DAB1: variants seen among roughly 807,000 people sequenced by gnomAD.
DAB1 encodes disabled homolog 1.
DAB1 carries 15 observed loss-of-function variants against 64.6 expected under a neutral mutation model. That is an observed-to-expected ratio of 0.23 (90% confidence interval 0.16 to 0.36). The LOEUF (loss-of-function observed/expected upper bound fraction) is 0.36, where lower values mean the gene tolerates loss of function less well. Ranked by LOEUF, DAB1 falls within the 10% of genes least tolerant of loss-of-function variation. The pLI is 1.00. For missense variants in DAB1, 596 were observed against 706.7 expected (o/e 0.84, Z 1.78); for synonymous variants, 235 against 251.9 (o/e 0.93, Z 0.64).
chr1:57,471,210 C>T (rs1687122810), intron 7 of DAB1, among the ~76,000 whole-genome samples: 1 of 152,102 alleles, frequency 6.6e-6, no homozygotes, highest in South Asian at 2.1e-4. Flanking sequence ...CCTAATATTA[C>T]CTGGTAATAC....
At chr1:58,335,592 G>A (rs1169166723) in intron 4 of DAB1, among the ~76,000 whole-genome samples, 1 of 130,568 alleles carries the variant, frequency 7.7e-6, no homozygotes, top group African/African-American at 2.8e-5. Flanking sequence ...TTAGCCTGGA[G>A]GCCAGGGTGG....
chr1:57,336,941 C>T (rs1451319024), intron 1 of DAB1, among the ~76,000 whole-genome samples: 1 of 152,182 alleles, frequency 6.6e-6, no homozygotes, highest in Non-Finnish European at 1.5e-5. Flanking sequence ...CCTCCTTCTA[C>T]ACAGTATTGC....
At chr1:57,274,437 T>C (rs1671294290) in intron 2 of DAB1, among the ~76,000 whole-genome samples, 1 of 152,154 alleles carries the variant, frequency 6.6e-6, no homozygotes, top group African/African-American at 2.4e-5. Flanking sequence ...CTTATATAAG[T>C]TAAGACAAAA....
intron 7 of DAB1, among the ~76,000 whole-genome samples, chr1:57,599,035 AT>A (rs1416569257): frequency 4.0e-5 from 6 of 151,092 alleles, no homozygotes; most frequent in Admixed American, 3.3e-4. Context: ...GCATGTTTTT[AT>A]TTTTTTTCTG....
At chr1:57,079,190 T>A (rs1652255500) in intron 4 of DAB1, among the ~76,000 whole-genome samples, 1 of 152,182 alleles carries the variant, frequency 6.6e-6, no homozygotes, top group Non-Finnish European at 1.5e-5. Context: ...GTAATTTTCT[T>A]CTTATTTATG....
intron 4 of DAB1, among the ~76,000 whole-genome samples, chr1:58,314,205 C>A (rs1662499231): frequency 6.6e-6 from 1 of 152,038 alleles, no homozygotes; most frequent in Non-Finnish European, 1.5e-5. Flanking sequence ...TCCCAGAAAC[C>A]TTTGTCTCAT....
At chr1:58,486,780 A>G (rs1645582369) in intron 3 of DAB1, among the ~76,000 whole-genome samples, 1 of 152,190 alleles carries the variant, frequency 6.6e-6, no homozygotes, top group South Asian at 2.1e-4. Flanking sequence ...TGCCTAAAGA[A>G]CTGAGGGAAG....
intron 7 of DAB1, among the ~76,000 whole-genome samples, chr1:57,551,251 A>C (rs1350660491): frequency 2.0e-5 from 3 of 152,178 alleles, no homozygotes; most frequent in African/African-American, 7.2e-5. Context: ...CACTCAGTAC[A>C]TAAGGATTGT....
At chr1:57,840,204 C>T (rs147159303) in intron 1 of DAB1, among the ~76,000 whole-genome samples, 327 of 152,230 alleles carry the variant, frequency 2.1e-3, no homozygotes, top group African/African-American at 6.8e-3. Flanking sequence ...TAGAAGGGAG[C>T]TCAGTGTCTG....
chr1:57,206,358 G>T (rs974517432), intron 2 of DAB1, among the ~76,000 whole-genome samples: 24 of 152,220 alleles, frequency 1.6e-4, no homozygotes, highest in Middle Eastern at 3.4e-3. Context: ...AAAGATTTGG[G>T]TTCTATTTCC....
At chr1:57,233,740 C>T (rs190395885) in intron 2 of DAB1, among the ~76,000 whole-genome samples, 2 of 151,792 alleles carry the variant, frequency 1.3e-5, no homozygotes, top group East Asian at 4.0e-4. Context: ...GCCTGGGCGA[C>T]AGAGCGAGCC....
chr1:58,207,541 T>C (rs144226324), intron 4 of DAB1, among the ~76,000 whole-genome samples: 32 of 152,344 alleles, frequency 2.1e-4, no homozygotes, highest in African/African-American at 7.5e-4. Context: ...TTTTAAGTTA[T>C]TTATGGTCCA....
intron 4 of DAB1, among the ~76,000 whole-genome samples, chr1:57,075,071 G>T (rs751841364): frequency 6.6e-6 from 1 of 152,064 alleles, no homozygotes. Context: ...TATCTCTCTC[G>T]CTGCATAATG....
At chr1:57,985,532 T>C (rs761219683) in intron 5 of DAB1, among the ~76,000 whole-genome samples, 1 of 152,030 alleles carries the variant, frequency 6.6e-6, no homozygotes, top group Non-Finnish European at 1.5e-5. Context: ...ATATGTATAT[T>C]AAATAAAGAT....
intron 5 of DAB1, among the ~76,000 whole-genome samples, chr1:58,018,147 C>T (rs186968284): frequency 9.2e-5 from 14 of 151,394 alleles, no homozygotes; most frequent in East Asian, 1.9e-4. Flanking sequence ...GCAACACTCA[C>T]GTTCCCTCAC....
intron 5 of DAB1, among the ~76,000 whole-genome samples, chr1:57,911,357 T>G (rs1364779295): frequency 1.3e-5 from 2 of 152,202 alleles, no homozygotes; most frequent in Non-Finnish European, 2.9e-5. Flanking sequence ...TGGCTTTTGC[T>G]TAGGCTTTGT....
intron 4 of DAB1, among the ~76,000 whole-genome samples, chr1:57,131,705 C>T (rs1657663234): frequency 6.6e-6 from 1 of 152,104 alleles, no homozygotes; most frequent in Non-Finnish European, 1.5e-5. Flanking sequence ...TTAAATCAGC[C>T]CTGAAATTTA....
rs71677338 is a variant in DAB1, at chr1:57,176,947, T to TA, written c.68-31519dup. Among the ~76,000 whole-genome samples, 17 of 73,152 alleles carry TA rather than the reference T, an allele frequency of 2.3e-4. No individual in the cohort carries two copies. In the Admixed American group the frequency reaches 2.4e-3, roughly 10 times the overall value. The allele number at this position is 73,152 out of a possible 152,430, so 48.0% of individuals were successfully genotyped here. A position where few individuals can be genotyped will look rare whatever the true frequency, so the allele number is the denominator to read the frequency against. On this transcript the variant is annotated intron_variant, in intron 2 of 14. Coordinates refer to ENST00000371236, the MANE Select transcript of DAB1 (RefSeq NM_001365792.1). ...ATTTTGAGCTAAAGGAAGAAGCAGA[T>TA]AAAAAAAAGAAGCAGCAGCAGATAT...
intron 7 of DAB1, among the ~76,000 whole-genome samples, chr1:57,496,411 A>G (rs1361428104): frequency 6.6e-6 from 1 of 152,192 alleles, no homozygotes; most frequent in Admixed American, 6.5e-5. Context: ...TGCTGTGAGG[A>G]TAAAAAAACA....
Sources: allele counts gnomAD v4.1 joint callset (sites outside exome capture counted in the v4.1 genomes callset), GRCh38; gene constraint gnomAD v4.1.1; transcripts MANE v1.5; gene names NCBI Gene and HGNC (gene_info 2026-07-23, HGNC 2026-07-21).